JCAD: variants seen among roughly 807,000 people sequenced by gnomAD.
JCAD encodes the protein junctional cadherin 5-associated protein.
JCAD carries 40 observed loss-of-function variants against 98.0 expected under a neutral mutation model. The ratio of observed to expected loss-of-function variants is 0.41; its 90% confidence interval spans 0.32 to 0.53. JCAD has a LOEUF of 0.53. Among genes scored for constraint, JCAD ranks in the 20% least tolerant of loss-of-function variants. The probability of loss-of-function intolerance (pLI) is 0.31; values close to 1 mark genes in which losing one functional copy is unlikely to be tolerated. For synonymous variants in JCAD, 691 were observed against 682.3 expected (o/e 1.01, Z -0.20); for missense variants, 1,705 against 1,738.1 (o/e 0.98, Z 0.34).
intron 1 of JCAD, among the ~76,000 whole-genome samples, chr10:30,084,313 T>A (rs1000160907): frequency 6.6e-6 from 1 of 152,200 alleles, no homozygotes; most frequent in African/African-American, 2.4e-5. Context: ...AAAGATAAAT[T>A]TGACTTGATA....
At chr10:30,034,176 C>T (rs1465527008) in intron 2 of JCAD, among the ~76,000 whole-genome samples, 2 of 151,652 alleles carry the variant, frequency 1.3e-5, no homozygotes, top group African/African-American at 4.9e-5. Context: ...TGAGCTGAGA[C>T]CATGCCACTG....
chr10:30,075,607 C>T (rs560969073), intron 1 of JCAD, among the ~76,000 whole-genome samples: 2 of 152,162 alleles, frequency 1.3e-5, no homozygotes, highest in African/African-American at 2.4e-5. Context: ...TGGGAAGCTA[C>T]GCGGAATACA....
At chr10:30,035,772 G>C (rs1232626928) in intron 2 of JCAD, among the ~76,000 whole-genome samples, 3 of 152,200 alleles carry the variant, frequency 2.0e-5, no homozygotes, top group South Asian at 4.1e-4. Context: ...GTGGGAAAAA[G>C]ATAAGGAAAG....
chr10:30,079,588 A>C (rs1838044104), intron 1 of JCAD, among the ~76,000 whole-genome samples: 1 of 152,120 alleles, frequency 6.6e-6, no homozygotes, highest in African/African-American at 2.4e-5. Flanking sequence ...CTGGTCATGG[A>C]TTGGCTGCCC....
At chr10:30,065,615 C>T (rs1837770876) in intron 2 of JCAD, among the ~76,000 whole-genome samples, 1 of 152,090 alleles carries the variant, frequency 6.6e-6, no homozygotes, top group Non-Finnish European at 1.5e-5. Flanking sequence ...CATCTTCCTC[C>T]CTCAGCCTCC....
At chr10:30,084,398 C>T (rs930914400) in intron 1 of JCAD, among the ~76,000 whole-genome samples, 19 of 152,178 alleles carry the variant, frequency 1.2e-4, no homozygotes, top group African/African-American at 4.3e-4. Context: ...TTGGTCAAAC[C>T]TTCTGTGCGT....
At chr10:30,076,097 C>T (rs1837975854) in intron 1 of JCAD, among the ~76,000 whole-genome samples, 1 of 151,886 alleles carries the variant, frequency 6.6e-6, no homozygotes, top group South Asian at 2.1e-4. Context: ...GATCTGGGCT[C>T]ACTGCAACCT....
intron 1 of JCAD, 75 bp from the exon 2 acceptor site, chr10:30,047,946 T>TC (rs938386570): frequency 1.2e-6 from 1 of 860,382 alleles, no homozygotes; most frequent in Non-Finnish European, 1.8e-6. Flanking sequence ...CCTCCCGTGG[T>TC]CCCCCCACCA....
At chr10:30,022,000 G>T (rs1191692347) in intron 3 of JCAD, among the ~76,000 whole-genome samples, 2 of 152,068 alleles carry the variant, frequency 1.3e-5, no homozygotes, top group Non-Finnish European at 2.9e-5. Flanking sequence ...TCTTCCCCTG[G>T]ACTCATATTA....
At chr10:30,073,381 C>T (rs551468676) in intron 1 of JCAD, among the ~76,000 whole-genome samples, 4 of 152,258 alleles carry the variant, frequency 2.6e-5, no homozygotes, top group Admixed American at 6.5e-5. Context: ...GCTGTTCTTA[C>T]GCTGCACACT....
intron 1 of JCAD, among the ~76,000 whole-genome samples, chr10:30,105,838 C>G (rs12412680): frequency 0.08 from 12,219 of 152,200 alleles, 717 homozygotes; most frequent in East Asian, 0.2. Context: ...GACACGACTG[C>G]TTTTGATAAG....
At chr10:30,107,047 A>G (rs2132715628) in intron 1 of JCAD, among the ~76,000 whole-genome samples, 1 of 152,304 alleles carries the variant, frequency 6.6e-6, no homozygotes, top group South Asian at 2.1e-4. Flanking sequence ...GAGAATTGGG[A>G]CAGAGCCTTG....
At chr10:30,073,647 G>GTCTTTCCT (rs1837931661) in intron 1 of JCAD, among the ~76,000 whole-genome samples, 1 of 138,490 alleles carries the variant, frequency 7.2e-6, no homozygotes, top group African/African-American at 2.8e-5. Flanking sequence ...TAGCAAGATT[G>GTCTTTCCT]TCCTTCCTTC....
intron 2 of JCAD, among the ~76,000 whole-genome samples, chr10:30,038,176 C>G (rs962131376): frequency 2.6e-5 from 4 of 152,174 alleles, no homozygotes; most frequent in Admixed American, 6.5e-5. Flanking sequence ...GGTCCACCGG[C>G]CCCACCCCTG....
chr10:30,067,545 C>T (rs952863222), intron 2 of JCAD, among the ~76,000 whole-genome samples: 16 of 152,162 alleles, frequency 1.1e-4, no homozygotes, highest in African/African-American at 3.9e-4. Context: ...CCAGGCTGGT[C>T]TCGAACTCCT....
At chr10:30,037,212 G>A (rs191061188) in intron 2 of JCAD, among the ~76,000 whole-genome samples, 3 of 152,320 alleles carry the variant, frequency 2.0e-5, no homozygotes, top group Non-Finnish European at 4.4e-5. Flanking sequence ...AGCTCTCTGG[G>A]CCTGGAAGCC....
rs376254504 is a variant in JCAD at position 30,056,770 on chromosome 10, T to C, written c.-60+2712A>G. Among the ~76,000 whole-genome samples the C allele has an allele frequency of 3.6e-4, 55 of 152,314 alleles. No homozygotes were observed. The East Asian group carries it at 7.9e-3, about 22-fold the overall frequency. On this transcript the variant is annotated intron_variant, in intron 1 of 3. Coordinates refer to ENST00000375377, the MANE Select transcript of JCAD (RefSeq NM_020848.4). ...ATATTTGGTTATAGATAATCCAAATTTTTAACAAGACATCTTCAATTCAAA... is the reference window on the plus strand; with the variant it reads ...ATATTTGGTTATAGATAATCCAAATCTTTAACAAGACATCTTCAATTCAAA...
intron 2 of JCAD, among the ~76,000 whole-genome samples, chr10:30,067,905 C>T (rs1053486142): frequency 3.3e-5 from 5 of 152,192 alleles, no homozygotes; most frequent in African/African-American, 1.2e-4. Flanking sequence ...TCCTAGGCCG[C>T]AAACCATGCA....
At position 30,029,302 on chromosome 10, in the gene JCAD, G is replaced by T. The variant is rs371530293; in HGVS notation, c.846C>A (p.Ala282=). ...TCCCAAACTTAGGCCGGGGAAATGG[G>T]GCTGAGCAGCCACTCTTCTCAGAAT... ...TRNSEKSGCS[A]PFPRPKFGRP... is the part of the protein sequence containing the mutation. Residue 282 remains alanine (A), a synonymous_variant, in exon 3 of 4, where the codon GCC becomes GCA. Transcript: ENST00000375377. The T allele has an allele frequency of 1.2e-5, 19 of 1,614,152 alleles. No homozygotes were observed. Among genetic ancestry groups the T allele is most frequent in the Admixed American group, 1.7e-5 (1 of 60,014 alleles).
Sources: gnomAD v4.1 joint callset for allele counts (sites outside exome capture counted in the v4.1 genomes callset) on GRCh38, gnomAD v4.1.1 for gene constraint, MANE v1.5 for transcripts, NCBI Gene and HGNC (gene_info 2026-07-23, HGNC 2026-07-21) for gene names.